SLC9A2: variants seen among roughly 807,000 people sequenced by gnomAD.
SLC9A2 encodes sodium/hydrogen exchanger 2.
A neutral mutation model predicts 71.7 loss-of-function variants in SLC9A2; 42 were observed. The observed-to-expected ratio is 0.59, with a 90% confidence interval of 0.46 to 0.76. SLC9A2 has a LOEUF of 0.76. Ranked by LOEUF, SLC9A2 falls within the 30% of genes least tolerant of loss-of-function variation. SLC9A2 has a pLI of 0.00. For synonymous variants in SLC9A2, 396 were observed against 392.5 expected (o/e 1.01, Z -0.10); for missense variants, 829 against 1,017.4 (o/e 0.81, Z 2.52).
Position 102,710,273 on chromosome 2 carries a change from CAT to C in SLC9A2, c.*1786_*1787del, listed in dbSNP as rs1260472515. 6.6e-6 allele frequency: 1 copy of C among 152,488 alleles called. No individual in the cohort carries two copies. The highest frequency in any genetic ancestry group is 1.5e-5 in the Non-Finnish European group (1 of 68,020). 9.4% of individuals were successfully genotyped at this position (152,488 alleles called of 1,614,324 possible). On this transcript the variant is annotated 3_prime_UTR_variant, in exon 12 of 12. Coordinates refer to ENST00000233969, the MANE Select transcript of SLC9A2 (RefSeq NM_003048.6). Reference sequence around the variant, plus strand: ...TCTGCTTAACACAAATTAAAACTGACATAAAATTTTATGATAATAACATGATT... The same window carrying C: ...TCTGCTTAACACAAATTAAAACTGACAAAATTTTATGATAATAACATGATT...
intron 5 of SLC9A2, among the ~76,000 whole-genome samples, chr2:102,690,442 C>T (rs977616365): frequency 2.0e-5 from 3 of 152,074 alleles, no homozygotes; most frequent in African/African-American, 4.8e-5. Context: ...TCTTAGGTTT[C>T]TTAGAGAAAG....
At chr2:102,645,478 A>G (rs968085813) in intron 1 of SLC9A2, among the ~76,000 whole-genome samples, 6 of 152,136 alleles carry the variant, frequency 3.9e-5, no homozygotes, top group African/African-American at 7.2e-5. Flanking sequence ...AGTAGGCTTC[A>G]GAAGGTAGGT....
At chr2:102,656,147 C>A (rs182421851) in intron 1 of SLC9A2, among the ~76,000 whole-genome samples, 1 of 152,186 alleles carries the variant, frequency 6.6e-6, no homozygotes, top group African/African-American at 2.4e-5. Flanking sequence ...CAAATAAGTG[C>A]GCTCCAAACT....
chr2:102,695,788 A>T (rs1407765997), intron 7 of SLC9A2, among the ~76,000 whole-genome samples: 1 of 43,314 alleles, frequency 2.3e-5, no homozygotes, highest in Non-Finnish European at 5.1e-5. Flanking sequence ...TTATATATAT[A>T]TTATATATAT....
Position 102,697,801 on chromosome 2 carries a change from G to A in SLC9A2, c.1586+2688G>A, listed in dbSNP as rs145104060. Among the ~76,000 whole-genome samples the A allele has an allele frequency of 3.6e-3, 549 of 151,598 alleles. 2 individuals are homozygous for A. Among genetic ancestry groups the A allele is most frequent in the Middle Eastern group, 0.014 (4 of 294 alleles). The stretch of plus-strand genomic sequence containing the variant: ...CATCAAAAAGAAGCGATTGTTTCAG[G>A]CATGTTGGGTGTCTTCCCTTTTCTC... On this transcript the variant is annotated intron_variant, in intron 7 of 11. Coordinates refer to ENST00000233969, the MANE Select transcript of SLC9A2 (RefSeq NM_003048.6).
intron 7 of SLC9A2, among the ~76,000 whole-genome samples, chr2:102,695,822 T>C (rs1383545786): frequency 7.6e-6 from 1 of 130,794 alleles, no homozygotes; most frequent in East Asian, 2.0e-4. Context: ...ATAATATATA[T>C]ATAAAAAGCT....
chr2:102,678,374 G>A, intron 3 of SLC9A2, among the ~76,000 whole-genome samples: 1 of 151,844 alleles, frequency 6.6e-6, no homozygotes, highest in African/African-American at 2.4e-5. Flanking sequence ...AAAGGGGGGG[G>A]AAGGATAATT....
chr2:102,661,229 G>A (rs1347351323), intron 2 of SLC9A2, among the ~76,000 whole-genome samples: 1 of 152,188 alleles, frequency 6.6e-6, no homozygotes, highest in Non-Finnish European at 1.5e-5. Flanking sequence ...ACATGTTAAT[G>A]CAGCCACTGA....
Position 102,694,513 on chromosome 2 carries a change from A to G in SLC9A2, c.1515+10A>G. The stretch of plus-strand genomic sequence containing the variant: ...AGAAATCTATTGTCGGGTAGGTGTT[A>G]AGAGAGTGTAATAATTTTAATGATA... On this transcript the variant is annotated intron_variant, in intron 6 of 11. Transcript: ENST00000233969. The G allele has an allele frequency of 7.3e-7, 1 of 1,378,418 alleles. No homozygotes were observed. The highest frequency in any genetic ancestry group is 1.5e-5 in the South Asian group (1 of 68,670). The allele number at this position is 1,378,418 out of a possible 1,614,324, so 85.4% of individuals were successfully genotyped here.
chr2:102,669,933 A>T (rs1263768157), intron 3 of SLC9A2, among the ~76,000 whole-genome samples: 1 of 152,178 alleles, frequency 6.6e-6, no homozygotes, highest in African/African-American at 2.4e-5. Context: ...TGAAGGGGGA[A>T]GGGCGTACTT....
chr2:102,690,810 G>A (rs1478640415), intron 5 of SLC9A2, among the ~76,000 whole-genome samples: 1 of 152,108 alleles, frequency 6.6e-6, no homozygotes, highest in Admixed American at 6.5e-5. Flanking sequence ...GCATAGCAGC[G>A]ATAGTGATAT....
intron 2 of SLC9A2, among the ~76,000 whole-genome samples, chr2:102,664,766 G>A (rs1201236635): frequency 6.6e-6 from 1 of 152,048 alleles, no homozygotes; most frequent in Non-Finnish European, 1.5e-5. Flanking sequence ...TGGGTGTGCT[G>A]GATAGCAAAC....
At chr2:102,690,161 A>G (rs1231220912) in intron 5 of SLC9A2, among the ~76,000 whole-genome samples, 4 of 152,208 alleles carry the variant, frequency 2.6e-5, no homozygotes, top group Admixed American at 2.6e-4. Context: ...GAATCAGCCC[A>G]GGAGGCCGGA....
At chr2:102,630,170 A>C (rs909205170) in intron 1 of SLC9A2, among the ~76,000 whole-genome samples, 1 of 152,186 alleles carries the variant, frequency 6.6e-6, no homozygotes. Flanking sequence ...ATCTGTAAAC[A>C]TATTTTCCAG....
At chr2:102,707,173 G>T (rs752473784) in intron 11 of SLC9A2, among the ~76,000 whole-genome samples, 3 of 151,952 alleles carry the variant, frequency 2.0e-5, no homozygotes, top group Non-Finnish European at 4.4e-5. Flanking sequence ...TTGGGTGATG[G>T]GATTATTACA....
At chr2:102,704,961 C>T (rs970543570) in intron 10 of SLC9A2, among the ~76,000 whole-genome samples, 1 of 151,978 alleles carries the variant, frequency 6.6e-6, no homozygotes, top group South Asian at 2.1e-4. Flanking sequence ...TTTGGGAAGC[C>T]GAAGCCGAGG....
In SLC9A2 at chr2:102,710,616, TTTTG is replaced by T. The variant is rs921195984; in HGVS notation, c.*2134_*2137del. 1 of 152,002 alleles carries T rather than the reference TTTTG, an allele frequency of 6.6e-6. No homozygotes were observed. The highest frequency in any genetic ancestry group is 1.9e-4 in the East Asian group (1 of 5,230). 9.4% of individuals were successfully genotyped at this position (152,002 alleles called of 1,614,324 possible). ...CTTAATTATTATCAGTTTAAATTTT[TTTTG>T]TTTGTTGAATGACAAAGGCAATAAA... is the stretch of plus-strand genomic sequence containing the variant. On this transcript the variant is annotated 3_prime_UTR_variant, in exon 12 of 12. Transcript: ENST00000233969.
chr2:102,635,336 C>T (rs1023382071), intron 1 of SLC9A2, among the ~76,000 whole-genome samples: 1 of 152,226 alleles, frequency 6.6e-6, no homozygotes. Flanking sequence ...GGTCTGCTTA[C>T]TTAGGAAAAT....
chr2:102,644,307 G>A lies in SLC9A2; in HGVS notation c.290-13257G>A, dbSNP rs571294965. On this transcript the variant is annotated intron_variant, in intron 1 of 11. Coordinates refer to ENST00000233969, the MANE Select transcript of SLC9A2 (RefSeq NM_003048.6). ...GCCCAGATACTACACTTTTCCCTTG[G>A]TTTTTGCAACCCACAGACCAGGAGA... 2.6e-5 allele frequency among the ~76,000 whole-genome samples: 4 copies of A among 152,246 alleles called. No individual in the cohort carries two copies. In the South Asian group the frequency reaches 8.3e-4, roughly 32 times the overall value.
Sources: gnomAD v4.1 joint callset for allele counts (sites outside exome capture counted in the v4.1 genomes callset) on GRCh38, gnomAD v4.1.1 for gene constraint, MANE v1.5 for transcripts, NCBI Gene and HGNC (gene_info 2026-07-23, HGNC 2026-07-21) for gene names.